The following ARHGAP6 variants were observed in gnomAD, a reference collection of about 807,000 sequenced individuals.
ARHGAP6 encodes rho GTPase-activating protein 6.
ARHGAP6 carries 16 observed loss-of-function variants against 55.7 expected under a neutral mutation model. The ratio of observed to expected loss-of-function variants is 0.29; its 90% confidence interval spans 0.19 to 0.44. The LOEUF is 0.44. Among genes scored for constraint, ARHGAP6 ranks in the 20% least tolerant of loss-of-function variants. The pLI is 1.00. For missense variants in ARHGAP6, 698 were observed against 808.9 expected, an observed-to-expected ratio of 0.86 and a Z score of 1.66; for synonymous variants, 382 against 360.9, an observed-to-expected ratio of 1.06 and a Z score of -0.66.
At chrX:11,448,751 C>G (rs1159252435) in intron 1 of ARHGAP6, among the ~76,000 whole-genome samples, 1 of 111,247 alleles carries the variant, frequency 9.0e-6, no homozygotes, top group Non-Finnish European at 1.9e-5. Flanking sequence ...TAATTCCTCC[C>G]AAATGAGTGC....
intron 6 of ARHGAP6, 31 bp from the exon 7 acceptor site, chrX:11,179,483 C>T (rs1219246902): frequency 1.7e-6 from 2 of 1,193,119 alleles, no homozygotes; most frequent in South Asian, 3.8e-5. Flanking sequence ...GTGGCAGTCA[C>T]ATAACACCAT....
intron 1 of ARHGAP6, among the ~76,000 whole-genome samples, chrX:11,385,849 T>C (rs776500015): frequency 8.9e-6 from 1 of 112,264 alleles, no homozygotes; most frequent in Admixed American, 9.5e-5. Flanking sequence ...AAATGAGATA[T>C]ATAAATTGGG....
chrX:11,322,551 G>C (rs1365002731), intron 1 of ARHGAP6, among the ~76,000 whole-genome samples: 2 of 111,344 alleles, frequency 1.8e-5, no homozygotes, highest in East Asian at 5.6e-4. Context: ...GTAGAGACGG[G>C]GTTTCACCAT....
chrX:11,551,470 T>C lies in ARHGAP6; in HGVS notation c.588+112771A>G, dbSNP rs763897053. 5.4e-5 allele frequency among the ~76,000 whole-genome samples: 6 copies of C among 111,537 alleles called. No homozygotes were observed. In the South Asian group the frequency reaches 2.3e-3, roughly 43 times the overall value. On this transcript the variant is annotated intron_variant, in intron 1 of 12. Transcript: ENST00000337414. ...ACCCATTATTAACCCATGTTAATAA[T>C]GCTGCAATGAACACTTTTGTTGGTT...
chrX:11,210,677 C>T (rs2046779525), intron 2 of ARHGAP6, among the ~76,000 whole-genome samples: 1 of 112,151 alleles, frequency 8.9e-6, no homozygotes, highest in Non-Finnish European at 1.9e-5. Flanking sequence ...CAATTTCAGA[C>T]ACGTTCCACA....
chrX:11,570,339 G>T (rs1422012349), intron 1 of ARHGAP6, among the ~76,000 whole-genome samples: 1 of 111,536 alleles, frequency 9.0e-6, no homozygotes, highest in Admixed American at 9.5e-5. Flanking sequence ...TCTGAAGAAT[G>T]AACATAATTT....
chrX:11,209,346 T>G (rs1167089962), intron 2 of ARHGAP6, among the ~76,000 whole-genome samples: 2 of 111,599 alleles, frequency 1.8e-5, no homozygotes, highest in Non-Finnish European at 3.8e-5. Context: ...GGTTTCGCCA[T>G]GTTGGCCAGG....
chrX:11,480,783 C>T (rs1372172155), intron 1 of ARHGAP6, among the ~76,000 whole-genome samples: 3 of 111,479 alleles, frequency 2.7e-5, no homozygotes, highest in Non-Finnish European at 5.7e-5. Context: ...CCCTGGGTTA[C>T]TAAATAAACA....
intron 11 of ARHGAP6, chrX:11,143,389 T>C (rs2045646061): frequency 5.2e-6 from 1 of 191,886 alleles, no homozygotes; most frequent in Non-Finnish European, 8.0e-6. Flanking sequence ...CTCAATGAAT[T>C]AAATACTGTT....
intron 1 of ARHGAP6, among the ~76,000 whole-genome samples, chrX:11,307,474 T>C (rs769193195): frequency 8.9e-6 from 1 of 112,007 alleles, no homozygotes. Flanking sequence ...TTCCATAGGG[T>C]CCTGACTAGG....
At chrX:11,163,959 T>C (rs1287513598) in intron 9 of ARHGAP6, among the ~76,000 whole-genome samples, 1 of 112,637 alleles carries the variant, frequency 8.9e-6, no homozygotes, top group Non-Finnish European at 1.9e-5. Context: ...TTGCTTCTGC[T>C]TCCTTCCACC....
chrX:11,482,860 A>C (rs747320656), intron 1 of ARHGAP6, among the ~76,000 whole-genome samples: 16 of 111,403 alleles, frequency 1.4e-4, no homozygotes, highest in Non-Finnish European at 3.0e-4. Context: ...GATGGGGAAC[A>C]CAGCACTGAG....
In ARHGAP6 at chrX:11,162,488, G is replaced by T. The variant is rs1289782266; in HGVS notation, c.1810-5862C>A. ...CTTCCTACTCTTTCCTCTCTGGAAGGTCTTACCTGCACTTCTATGACCCTC... is the reference window on the plus strand; with the variant it reads ...CTTCCTACTCTTTCCTCTCTGGAAGTTCTTACCTGCACTTCTATGACCCTC... On this transcript the variant is annotated intron_variant, in intron 9 of 12. Coordinates refer to ENST00000337414, the MANE Select transcript of ARHGAP6 (RefSeq NM_013427.3). Among the ~76,000 whole-genome samples the T allele has an allele frequency of 5.4e-5, 6 of 110,870 alleles. 1 individual carries two copies. Among genetic ancestry groups the T allele is most frequent in the Admixed American group, 4.8e-4 (5 of 10,398 alleles).
intron 1 of ARHGAP6, among the ~76,000 whole-genome samples, chrX:11,620,731 T>C (rs1221965150): frequency 1.8e-5 from 2 of 111,966 alleles, no homozygotes; most frequent in African/African-American, 6.5e-5. Flanking sequence ...CAGAGGACAT[T>C]TGGCCAATGT....
intron 1 of ARHGAP6, among the ~76,000 whole-genome samples, chrX:11,366,069 T>C (rs1351676812): frequency 9.0e-6 from 1 of 111,705 alleles, no homozygotes. Context: ...AGCCCCACTC[T>C]CATGAATTCA....
chrX:11,602,231 C>T (rs1443086911), intron 1 of ARHGAP6, among the ~76,000 whole-genome samples: 1 of 111,728 alleles, frequency 9.0e-6, no homozygotes, highest in African/African-American at 3.3e-5. Flanking sequence ...AGCAATACCT[C>T]CCATCAGTGA....
chrX:11,265,844 T>C (rs2147506104), intron 1 of ARHGAP6: 2 of 946,547 alleles, frequency 2.1e-6, no homozygotes, highest in African/African-American at 2.1e-5. Context: ...ATGGCCCAGC[T>C]GGCATAGCTG....
intron 1 of ARHGAP6, among the ~76,000 whole-genome samples, chrX:11,344,369 G>C (rs12854390): frequency 9.0e-6 from 1 of 111,185 alleles, no homozygotes; most frequent in Non-Finnish European, 1.9e-5. Context: ...CAGTACAGTA[G>C]AATCAATTAA....
chrX:11,504,058 G>T (rs202233144), intron 1 of ARHGAP6, among the ~76,000 whole-genome samples: 9,522 of 110,002 alleles, frequency 0.087, 504 homozygotes, highest in East Asian at 0.18. Flanking sequence ...ATTTTTTTTG[G>T]GGGGGGGCTA....
Sources: gnomAD v4.1 joint callset for allele counts (sites outside exome capture counted in the v4.1 genomes callset) on GRCh38, gnomAD v4.1.1 for gene constraint, MANE v1.5 for transcripts, NCBI Gene and HGNC (gene_info 2026-07-23, HGNC 2026-07-21) for gene names.